MEIS2: variants seen among roughly 807,000 people sequenced by gnomAD.
The protein encoded by MEIS2 is Meis homeobox 2, also known as homeobox protein Meis2.
Under a neutral mutation model 58.6 loss-of-function variants are expected in MEIS2, and 9 were observed. That is an observed-to-expected ratio of 0.15 (90% CI 0.09 to 0.27). The LOEUF (loss-of-function observed/expected upper bound fraction) is 0.27. Among genes scored for constraint, MEIS2 ranks in the 10% least tolerant of loss-of-function variants. MEIS2 has a pLI of 1.00. For synonymous variants in MEIS2, 221 were observed against 228.4 expected (o/e 0.97, Z 0.29); for missense variants, 427 against 635.0 (o/e 0.67, Z 3.52).
intron 6 of MEIS2, among the ~76,000 whole-genome samples, chr15:37,091,403 G>A (rs1567287029): frequency 6.6e-6 from 1 of 152,070 alleles, no homozygotes; most frequent in Non-Finnish European, 1.5e-5. Flanking sequence ...AATAGCAGGG[G>A]GCTAAAGTAA....
intron 9 of MEIS2, among the ~76,000 whole-genome samples, chr15:36,909,804 A>C (rs369308575): frequency 1.4e-4 from 18 of 128,564 alleles, no homozygotes; most frequent in African/African-American, 5.0e-4. Flanking sequence ...ACTCAAGTGG[A>C]GAGGAATGAG....
chr15:37,021,454 C>T (rs2061524600), intron 8 of MEIS2, among the ~76,000 whole-genome samples: 1 of 152,208 alleles, frequency 6.6e-6, no homozygotes, highest in South Asian at 2.1e-4. Context: ...TTGAAAACTC[C>T]AATATGTATG....
chr15:37,096,049 T>C, intron 3 of MEIS2: 1 of 491,356 alleles, frequency 2.0e-6, no homozygotes, highest in Non-Finnish European at 3.6e-6. Context: ...TAGGAGCAGG[T>C]CAACTTTAAT....
intron 9 of MEIS2, chr15:36,898,020 T>TC (rs2056274533): frequency 6.6e-6 from 1 of 152,196 alleles, no homozygotes; most frequent in African/African-American, 2.4e-5. Context: ...TGAGGAATAA[T>TC]AGCTGGGAGA....
intron 8 of MEIS2, among the ~76,000 whole-genome samples, chr15:37,014,467 T>A (rs2061274898): frequency 6.6e-6 from 1 of 152,156 alleles, no homozygotes; most frequent in African/African-American, 2.4e-5. Context: ...AGTGCCAAGG[T>A]TTGCCTAAAG....
At chr15:37,018,747 A>C (rs1482242649) in intron 8 of MEIS2, among the ~76,000 whole-genome samples, 1 of 152,222 alleles carries the variant, frequency 6.6e-6, no homozygotes, top group African/African-American at 2.4e-5. Context: ...GAAACTCATG[A>C]CATCAAGATG....
intron 8 of MEIS2, among the ~76,000 whole-genome samples, chr15:36,995,551 T>A (rs2141572101): frequency 6.7e-6 from 1 of 150,260 alleles, no homozygotes; most frequent in Non-Finnish European, 1.5e-5. Context: ...ATCTCTGAAC[T>A]CTCCTAAACC....
chr15:37,088,536 G>A (rs1893158590), intron 6 of MEIS2, among the ~76,000 whole-genome samples: 1 of 152,118 alleles, frequency 6.6e-6, no homozygotes, highest in Non-Finnish European at 1.5e-5. Flanking sequence ...TTAATTGTGT[G>A]GTTTGAACAA....
At chr15:37,016,007 C>T (rs2061339139) in intron 8 of MEIS2, among the ~76,000 whole-genome samples, 1 of 152,108 alleles carries the variant, frequency 6.6e-6, no homozygotes, top group Middle Eastern at 3.2e-3. Flanking sequence ...CCTCCTTTCC[C>T]CCTTCTTTCC....
At chr15:36,961,059 A>G (rs1250548207) in intron 8 of MEIS2, among the ~76,000 whole-genome samples, 1 of 152,100 alleles carries the variant, frequency 6.6e-6, no homozygotes, top group Non-Finnish European at 1.5e-5. Context: ...GTGAAAGTTA[A>G]ACTAAATCAA....
intron 8 of MEIS2, among the ~76,000 whole-genome samples, chr15:36,960,998 T>A (rs916342360): frequency 6.6e-6 from 1 of 152,124 alleles, no homozygotes; most frequent in Non-Finnish European, 1.5e-5. Flanking sequence ...CCCCACAGTT[T>A]TATCTTATCA....
chr15:36,900,715 T>C (rs900813571), intron 9 of MEIS2, among the ~76,000 whole-genome samples: 2 of 152,216 alleles, frequency 1.3e-5, no homozygotes, highest in Non-Finnish European at 2.9e-5. Flanking sequence ...AGTCTAAACT[T>C]GGTAGCTTTG....
Position 37,098,092 on chromosome 15 carries a change from G to A in MEIS2, c.120C>T (p.Asn40=), listed in dbSNP as rs144628203. The A allele has an allele frequency of 4.2e-5, 67 of 1,613,824 alleles. No individual in the cohort carries two copies. In the Middle Eastern group the frequency reaches 1.2e-3, roughly 28 times the overall value. ...GTGTGGCGTGGAGCGGCGGCCCGTG[G>A]TTCAGGTGGTGAACCGGGGGGATCG... ...PRPIPPVHHL[N]HGPPLHATQH... is the part of the protein sequence containing the mutation. Residue 40 remains asparagine (N), a synonymous_variant, in exon 2 of 12, where the codon AAC becomes AAT. Transcript: ENST00000561208.
At chr15:36,942,204 T>C (rs1217990450) in intron 9 of MEIS2, among the ~76,000 whole-genome samples, 1 of 152,168 alleles carries the variant, frequency 6.6e-6, no homozygotes, top group East Asian at 1.9e-4. Flanking sequence ...ACGATTCTGA[T>C]TTATGCACAA....
chr15:37,068,919 G>A (rs1295106387), intron 7 of MEIS2, among the ~76,000 whole-genome samples: 1 of 152,052 alleles, frequency 6.6e-6, no homozygotes. Context: ...ATGTTCAAAG[G>A]GAAGCTTCTG....
intron 7 of MEIS2, among the ~76,000 whole-genome samples, chr15:37,080,716 G>A (rs1052150753): frequency 6.6e-5 from 10 of 152,084 alleles, no homozygotes; most frequent in East Asian, 1.9e-4. Context: ...TTCTTCCTCC[G>A]TCTAATGTGA....
chr15:37,018,190 TA>T (rs911705365), intron 8 of MEIS2, among the ~76,000 whole-genome samples: 1 of 152,226 alleles, frequency 6.6e-6, no homozygotes, highest in African/African-American at 2.4e-5. Flanking sequence ...GATCACTGAA[TA>T]TTTTCTTTAT....
intron 9 of MEIS2, among the ~76,000 whole-genome samples, chr15:36,934,313 T>A (rs1484835015): frequency 2.6e-5 from 4 of 152,132 alleles, no homozygotes; most frequent in Non-Finnish European, 5.9e-5. Flanking sequence ...TAATTTCTTT[T>A]CATAGAGTCA....
At position 36,976,302 on chromosome 15, in the gene MEIS2, T is replaced by G. The variant is rs537966923; in HGVS notation, c.901-25902A>C. On this transcript the variant is annotated intron_variant, in intron 8 of 11. Transcript: ENST00000561208. Reference sequence around the variant, plus strand: ...GGTTTCACCATGTTGGCCAGGCTGGTCTCGAACTCCTGACCTTGTGATTCA... The same window carrying G: ...GGTTTCACCATGTTGGCCAGGCTGGGCTCGAACTCCTGACCTTGTGATTCA... 2.0e-5 allele frequency among the ~76,000 whole-genome samples: 3 copies of G among 152,022 alleles called. No homozygotes were observed. The East Asian group carries it at 5.8e-4, about 30-fold the overall frequency.
Sources: allele counts gnomAD v4.1 joint callset (sites outside exome capture counted in the v4.1 genomes callset), GRCh38; gene constraint gnomAD v4.1.1; transcripts MANE v1.5; gene names NCBI Gene and HGNC (gene_info 2026-07-23, HGNC 2026-07-21).